LNPK: variants seen among roughly 807,000 people sequenced by gnomAD.
LNPK encodes the protein lunapark, ER junction formation factor, also known as endoplasmic reticulum junction formation protein lunapark.
LNPK carries 29 observed loss-of-function variants against 55.2 expected under a neutral mutation model. The observed-to-expected ratio is 0.53, with a 90% CI of 0.39 to 0.72. The LOEUF is 0.72. Among genes scored for constraint, LNPK ranks in the 30% least tolerant of loss-of-function variants. The pLI is 0.00. For synonymous variants in LNPK, 162 were observed against 168.2 expected, an observed-to-expected ratio of 0.96 and a Z score of 0.29; for missense variants, 467 against 494.8, an observed-to-expected ratio of 0.94 and a Z score of 0.53.
At chr2:175,953,602 T>C (rs1427712702) in intron 8 of LNPK, among the ~76,000 whole-genome samples, 2 of 151,886 alleles carry the variant, frequency 1.3e-5, no homozygotes, top group African/African-American at 4.8e-5. Context: ...TAATTGCCTG[T>C]ATCAATCTAC....
chr2:175,966,020 C>T (rs182690429), intron 6 of LNPK, among the ~76,000 whole-genome samples: 1 of 152,280 alleles, frequency 6.6e-6, no homozygotes, highest in African/African-American at 2.4e-5. Context: ...TAAATGAGCA[C>T]TTAAAATGTT....
intron 9 of LNPK, among the ~76,000 whole-genome samples, chr2:175,945,614 G>A (rs774608009): frequency 1.3e-5 from 2 of 151,662 alleles, no homozygotes; most frequent in Non-Finnish European, 2.9e-5. Context: ...ATCCAGACAT[G>A]GTCATCCCTC....
At chr2:175,973,035 T>C (rs531430993) in intron 5 of LNPK, among the ~76,000 whole-genome samples, 1 of 152,330 alleles carries the variant, frequency 6.6e-6, no homozygotes, top group African/African-American at 2.4e-5. Context: ...CTTGTTTCCA[T>C]TTTTATAGCA....
rs1225476352 is a variant in LNPK at position 175,970,664 on chromosome 2, A to ATTTCTTCC, written c.357+92_357+99dup. 3 of 610,888 alleles carry ATTTCTTCC rather than the reference A, an allele frequency of 4.9e-6. No homozygotes were observed. The African/African-American group carries it at 5.9e-5, about 12-fold the overall frequency. 37.8% of individuals were successfully genotyped at this position (610,888 alleles called of 1,614,324 possible). A position where few individuals can be genotyped will look rare whatever the true frequency, so the allele number is the denominator to read the frequency against. Reference sequence around the variant, plus strand: ...TCATTAAAATGCTATCTAAAAGCATATTTCTTCCTTGGAGAGTTATTAACT... The same window carrying ATTTCTTCC: ...TCATTAAAATGCTATCTAAAAGCATATTTCTTCCTTTCTTCCTTGGAGAGTTATTAACT... On this transcript the variant is annotated intron_variant, in intron 6 of 12. Coordinates refer to ENST00000272748, the MANE Select transcript of LNPK (RefSeq NM_030650.3).
intron 9 of LNPK, chr2:175,941,081 C>A: frequency 2.5e-6 from 1 of 404,166 alleles, no homozygotes; most frequent in Admixed American, 3.1e-5. Context: ...AGCCCCATCT[C>A]TACAAAAAAA....
chr2:175,950,541 G>A (rs1327058211), intron 8 of LNPK, among the ~76,000 whole-genome samples: 1 of 151,990 alleles, frequency 6.6e-6, no homozygotes, highest in Non-Finnish European at 1.5e-5. Flanking sequence ...TAAAAATGAA[G>A]CAAATAGAAT....
rs544678044 is a variant in LNPK, at chr2:175,931,126, G to C, written c.1055-927C>G. On this transcript the variant is annotated intron_variant, in intron 12 of 12. Coordinates refer to ENST00000272748, the MANE Select transcript of LNPK (RefSeq NM_030650.3). ...AAATCTAGCTTTAAGGTATTTCTTT[G>C]TTTATGTAAAAAACAGCAATTAGTA... is the stretch of plus-strand genomic sequence containing the variant. 2.0e-5 allele frequency among the ~76,000 whole-genome samples: 3 copies of C among 152,120 alleles called. No homozygotes were observed. The East Asian group carries it at 5.8e-4, about 29-fold the overall frequency.
intron 2 of LNPK, among the ~76,000 whole-genome samples, chr2:175,994,794 G>A (rs1326258960): frequency 6.6e-6 from 1 of 151,962 alleles, no homozygotes; most frequent in Non-Finnish European, 1.5e-5. Flanking sequence ...AAATCAAACT[G>A]CATTTCTAAT....
At chr2:175,946,098 C>T (rs1296599936) in intron 9 of LNPK, among the ~76,000 whole-genome samples, 3 of 152,254 alleles carry the variant, frequency 2.0e-5, no homozygotes, top group Non-Finnish European at 4.4e-5. Context: ...TAATTAAAAA[C>T]TTCAGTAAAA....
At chr2:175,945,950 A>G (rs2105558848) in intron 9 of LNPK, among the ~76,000 whole-genome samples, 1 of 152,306 alleles carries the variant, frequency 6.6e-6, no homozygotes, top group Admixed American at 6.5e-5. Flanking sequence ...GCTCTGTGGT[A>G]ATACACATTA....
intron 4 of LNPK, among the ~76,000 whole-genome samples, chr2:175,981,618 A>T (rs1182399521): frequency 6.6e-6 from 1 of 152,260 alleles, no homozygotes; most frequent in African/African-American, 2.4e-5. Flanking sequence ...AGAAAAAAGC[A>T]AAAGGAACAC....
rs1425066790 is a variant in LNPK at position 175,943,922 on chromosome 2, T to G, written c.706+3558A>C. 3.3e-5 allele frequency among the ~76,000 whole-genome samples: 5 copies of G among 152,118 alleles called. No homozygotes were observed. In the East Asian group the frequency reaches 9.6e-4, roughly 29 times the overall value. On this transcript the variant is annotated intron_variant, in intron 9 of 12. Transcript: ENST00000272748. ...TCTATTACCATTGTACTGAAGGTTA[T>G]AGCTCATATAATAAGGTAAGAAAAA...
intron 4 of LNPK, among the ~76,000 whole-genome samples, chr2:175,982,346 TA>T (rs1029416650): frequency 6.6e-6 from 1 of 152,188 alleles, no homozygotes; most frequent in African/African-American, 2.4e-5. Flanking sequence ...ATTGTCAGTG[TA>T]AATACTACAA....
At chr2:175,968,729 AT>A (rs1311933355) in intron 6 of LNPK, among the ~76,000 whole-genome samples, 2 of 152,204 alleles carry the variant, frequency 1.3e-5, no homozygotes. Flanking sequence ...ACAAATTACA[AT>A]TTTACAAATT....
intron 8 of LNPK, among the ~76,000 whole-genome samples, chr2:175,960,352 AAACT>A (rs1259220830): frequency 3.3e-5 from 5 of 152,178 alleles, no homozygotes; most frequent in Admixed American, 3.3e-4. Flanking sequence ...AAATCACAAC[AAACT>A]GTCTCTCAGA....
intron 4 of LNPK, among the ~76,000 whole-genome samples, chr2:175,989,821 A>G (rs910527471): frequency 4.6e-5 from 7 of 152,204 alleles, no homozygotes; most frequent in African/African-American, 1.7e-4. Context: ...ACTCCTCCAT[A>G]TTACATTCTG....
At chr2:175,995,216 G>A (rs1171071001) in intron 2 of LNPK, among the ~76,000 whole-genome samples, 1 of 151,850 alleles carries the variant, frequency 6.6e-6, no homozygotes, top group Admixed American at 6.6e-5. Context: ...CACCACACCC[G>A]GCCTAGAATA....
chr2:175,987,059 A>C (rs975494931), intron 4 of LNPK, among the ~76,000 whole-genome samples: 4 of 152,158 alleles, frequency 2.6e-5, no homozygotes, highest in African/African-American at 9.6e-5. Flanking sequence ...GGAAGCTCTC[A>C]AAGAATCAAC....
chr2:175,947,024 C>T (rs1685162767), intron 9 of LNPK, among the ~76,000 whole-genome samples: 2 of 151,658 alleles, frequency 1.3e-5, no homozygotes, highest in East Asian at 1.9e-4. Flanking sequence ...AAAAAAAAAT[C>T]TACTAGCCCA....
Sources: gnomAD v4.1 joint callset for allele counts (sites outside exome capture counted in the v4.1 genomes callset) on GRCh38, gnomAD v4.1.1 for gene constraint, MANE v1.5 for transcripts, NCBI Gene and HGNC (gene_info 2026-07-23, HGNC 2026-07-21) for gene names.